CROCC2: variants seen among roughly 807,000 people sequenced by gnomAD.
CROCC2 encodes the protein ciliary rootlet coiled-coil, rootletin family member 2, also known as ciliary rootlet coiled-coil protein 2.
In CROCC2, 163 loss-of-function variants were observed where a neutral mutation model predicts 177.6. The ratio of observed to expected loss-of-function variants is 0.92; its 90% CI spans 0.81 to 1.05. CROCC2 has a LOEUF of 1.05. Ranked by LOEUF, CROCC2 falls within the 50% of genes least tolerant of loss-of-function variation. The probability of loss-of-function intolerance (pLI) is 0.00; values close to 1 mark genes in which losing one functional copy is unlikely to be tolerated. For synonymous variants in CROCC2, 904 were observed against 787.3 expected, an observed-to-expected ratio of 1.15 and a Z score of -2.48; for missense variants, 1,929 against 1,797.8, an observed-to-expected ratio of 1.07 and a Z score of -1.32.
intron 27 of CROCC2, among the ~76,000 whole-genome samples, chr2:240,976,673 A>C (rs1486877165): frequency 2.5e-4 from 28 of 112,862 alleles, no homozygotes; most frequent in African/African-American, 7.0e-4. Context: ...TCAGGAGCCC[A>C]GGCTCATCCC....
At chr2:240,955,813 C>T in intron 18 of CROCC2, 46 bp from the exon 19 acceptor site, 1 of 1,401,242 alleles carries the variant, frequency 7.1e-7, no homozygotes, top group South Asian at 1.2e-5. Context: ...TCTTCCCTCC[C>T]CCGAGACTCC....
At chr2:240,936,968 G>A (rs1027179520) in intron 14 of CROCC2, among the ~76,000 whole-genome samples, 10 of 152,186 alleles carry the variant, frequency 6.6e-5, no homozygotes, top group Admixed American at 1.3e-4. Context: ...TGTACAAGTC[G>A]CATACATATA....
intron 1 of CROCC2, among the ~76,000 whole-genome samples, chr2:240,915,305 G>A (rs1355853663): frequency 1.3e-5 from 2 of 152,224 alleles, no homozygotes; most frequent in Non-Finnish European, 2.9e-5. Context: ...GGATCCACAC[G>A]AGGGTTCTGA....
Position 240,922,661 on chromosome 2 carries a change from G to C in CROCC2, c.488+16G>C, listed in dbSNP as rs2059364561. On this transcript the variant is annotated intron_variant, in intron 4 of 31. Transcript: ENST00000690015. Reference sequence around the variant, plus strand: ...CCGAGGAGAGGTGAGGCCAGGTGCGGGGCAGTCAGGGCTGCAGGAAGCACA... The same window carrying C: ...CCGAGGAGAGGTGAGGCCAGGTGCGCGGCAGTCAGGGCTGCAGGAAGCACA... 1 of 585,246 alleles carries C rather than the reference G, an allele frequency of 1.7e-6. No individual in the cohort carries two copies. The highest frequency in any genetic ancestry group is 3.1e-6 in the Non-Finnish European group (1 of 319,176). The allele number at this position is 585,246 out of a possible 1,614,324, so 36.3% of individuals were successfully genotyped here. A position where few individuals can be genotyped will look rare whatever the true frequency, so the allele number is the denominator to read the frequency against.
chr2:240,982,792 C>T lies in CROCC2; in HGVS notation c.4402-88C>T, dbSNP rs1241131228. The T allele has an allele frequency of 8.3e-7, 1 of 1,201,108 alleles. No homozygotes were observed. The highest frequency in any genetic ancestry group is 1.2e-6 in the Non-Finnish European group (1 of 860,014). The allele number at this position is 1,201,108 out of a possible 1,614,324, so 74.4% of individuals were successfully genotyped here. ...CAGCGATACGGTCCTGCCAGACGGT[C>T]TAGGCAGATGCCCTGAGGCCAGGGT... On this transcript the variant is annotated intron_variant, in intron 27 of 31. Coordinates refer to ENST00000690015, the MANE Select transcript of CROCC2 (RefSeq NM_001351305.2). This position sits in a 1 kb window ranked among gnomAD's most constrained non-coding sequence, Gnocchi z 4.7.
At chr2:240,955,711 G>T (rs2059586088) in intron 18 of CROCC2, 148 bp from the exon 19 acceptor site, 1 of 598,060 alleles carries the variant, frequency 1.7e-6, no homozygotes, top group Non-Finnish European at 3.0e-6. Flanking sequence ...CTCCCCAGTG[G>T]CAGGGATGTG....
Position 240,993,199 on chromosome 2 carries a change from C to T in CROCC2, c.*118C>T. The T allele has an allele frequency of 1.5e-6, 1 of 658,358 alleles. No homozygotes were observed. Among genetic ancestry groups the T allele is most frequent in the Non-Finnish European group, 2.9e-6 (1 of 349,044 alleles). The allele number at this position is 658,358 out of a possible 1,614,324, so 40.8% of individuals were successfully genotyped here. A position where few individuals can be genotyped will look rare whatever the true frequency, so the allele number is the denominator to read the frequency against. ...GTGAAAGGCACCCGTGATGAGACAGCTCGCTCTCGGCAGTTTCAGGACCCT... is the reference window on the plus strand; with the variant it reads ...GTGAAAGGCACCCGTGATGAGACAGTTCGCTCTCGGCAGTTTCAGGACCCT... On this transcript the variant is annotated 3_prime_UTR_variant, in exon 32 of 32. Transcript: ENST00000690015.
At chr2:240,925,551 C>G (rs999434745) in intron 4 of CROCC2, among the ~76,000 whole-genome samples, 173 bp from the exon 5 acceptor site, 1 of 152,124 alleles carries the variant, frequency 6.6e-6, no homozygotes, top group African/African-American at 2.4e-5. Context: ...TTTAGGGGTC[C>G]TTTGTGGGGC....
chr2:240,959,354 G>A lies in CROCC2; in HGVS notation c.2997G>A (p.Glu999=). 6.4e-7 allele frequency: 1 copy of A among 1,550,610 alleles called. No individual in the cohort carries two copies. Among genetic ancestry groups the A allele is most frequent in the South Asian group, 1.2e-5 (1 of 84,054 alleles). Residue 999 remains glutamate (E), a synonymous_variant, in exon 20 of 32, where the codon GAG becomes GAA. Transcript: ENST00000690015. Reference sequence around the variant, plus strand: ...TGAAGGCCCTCCAGGCCCAGTTTGAGGATGCCATCACAGCCCATCAGAGGG... The same window carrying A: ...TGAAGGCCCTCCAGGCCCAGTTTGAAGATGCCATCACAGCCCATCAGAGGG... ...EELKALQAQF[E]DAITAHQRET...
intron 27 of CROCC2, among the ~76,000 whole-genome samples, chr2:240,981,063 G>T (rs1410310760): frequency 8.6e-6 from 1 of 116,390 alleles, no homozygotes; most frequent in African/African-American, 3.9e-5. Context: ...CAGTCTCTGG[G>T]TCAGGAGCCT....
chr2:240,948,543 A>G (rs771795954), intron 15 of CROCC2, among the ~76,000 whole-genome samples: 3 of 152,236 alleles, frequency 2.0e-5, no homozygotes, highest in Non-Finnish European at 2.9e-5. Flanking sequence ...AACAGCAACA[A>G]TGAAACTTGC....
intron 27 of CROCC2, among the ~76,000 whole-genome samples, chr2:240,975,719 CTTT>C (rs55896940): frequency 0.14 from 11,744 of 85,166 alleles, 724 homozygotes; most frequent in African/African-American, 0.16. Flanking sequence ...AACCAGCCTG[CTTT>C]TTTTTTTTTT....
At chr2:240,906,835 G>C (rs1268971968) in intron 1 of CROCC2, among the ~76,000 whole-genome samples, 1 of 152,170 alleles carries the variant, frequency 6.6e-6, no homozygotes, top group Admixed American at 6.5e-5. Context: ...GCCCAGGGCC[G>C]CTGCTGGCTA....
At position 240,918,913 on chromosome 2, in the gene CROCC2, G is replaced by A. The variant is rs1033100358; in HGVS notation, c.229+37G>A. 9.0e-6 allele frequency: 6 copies of A among 669,228 alleles called. No homozygotes were observed. The highest frequency in any genetic ancestry group is 2.0e-5 in the African/African-American group (1 of 50,244). The allele number at this position is 669,228 out of a possible 1,614,324, so 41.5% of individuals were successfully genotyped here. ...GGGGACAGTCCTGGGCCCGGGGCTG[G>A]CCAAGGTGACGGCGTGGGGGACAGT... is the stretch of plus-strand genomic sequence containing the variant. On this transcript the variant is annotated intron_variant, in intron 2 of 31. Coordinates refer to ENST00000690015, the MANE Select transcript of CROCC2 (RefSeq NM_001351305.2). The surrounding 1 kb of genome is among the most constrained non-coding windows in gnomAD (Gnocchi z 6.3).
chr2:240,949,680 T>C lies in CROCC2; in HGVS notation c.2630T>C (p.Leu877Pro). Residue 877 changes from leucine (L) to proline (P), a missense_variant, in exon 17 of 32, where the codon CTG becomes CCG. By Grantham distance (98) the Leu-to-Pro change is moderately conservative. Transcript: ENST00000690015. The surrounding 1 kb of genome is among the most constrained non-coding windows in gnomAD (Gnocchi z 4.5). ...CAGGCGTTGGCCCACCGAGAGGCCC[T>C]GGCACAGCTCCAAAGGGAGAAGGTC... ...ESQALAHREA[L>P]AQLQREKETL... 1 of 1,546,554 alleles carries C rather than the reference T, an allele frequency of 6.5e-7. No homozygotes were observed. Among genetic ancestry groups the C allele is most frequent in the South Asian group, 1.2e-5 (1 of 83,840 alleles).
At chr2:240,910,957 C>G (rs2059283543) in intron 1 of CROCC2, among the ~76,000 whole-genome samples, 1 of 151,922 alleles carries the variant, frequency 6.6e-6, no homozygotes, top group East Asian at 1.9e-4. Context: ...ATGGTGAAAC[C>G]CCGTCTCTAC....
Position 240,935,319 on chromosome 2 carries a change from G to A in CROCC2, c.1939-39G>A, listed in dbSNP as rs766646977. The A allele has an allele frequency of 7.5e-6, 10 of 1,329,354 alleles. No homozygotes were observed. In the East Asian group the frequency reaches 2.1e-4, roughly 28 times the overall value. 82.3% of individuals were successfully genotyped at this position (1,329,354 alleles called of 1,614,324 possible). On this transcript the variant is annotated intron_variant, in intron 13 of 31. Transcript: ENST00000690015. ...TGGCTGGCCTACAGGGACCGAGGAT[G>A]GGGGGAGTGGATGCAGAGCCCCCGA...
chr2:240,982,898 C>A lies in CROCC2; in HGVS notation c.4420C>A (p.Arg1474Ser), dbSNP rs774985974. ...CCCCCAGGAGCAACTGGAAACGCTG[C>A]GCCAGGCTCTTGAAGAGAGCAGGAG... Reference protein sequence around the residue: ...RRLQEQLETLRQALEESRRHS... With the variant: ...RRLQEQLETLSQALEESRRHS... The change falls in exon 28 of 32, where the codon CGC (arginine) becomes AGC (serine). Residue 1474 changes from arginine (R) to serine (S), a missense_variant. Physicochemically the swap from Arg to Ser is moderately radical, Grantham distance 110. This residue lies in a region of CROCC2 where 388 missense variants were observed against 352.7 expected (regional missense o/e 1.10). Coordinates refer to ENST00000690015, the MANE Select transcript of CROCC2 (RefSeq NM_001351305.2). This position sits in a 1 kb window ranked among gnomAD's most constrained non-coding sequence, Gnocchi z 4.7. The A allele has an allele frequency of 1.9e-6, 3 of 1,549,214 alleles. No individual in the cohort carries two copies. The highest frequency in any genetic ancestry group is 1.2e-5 in the South Asian group (1 of 83,882).
In CROCC2 at chr2:240,918,766, A is replaced by G. The variant is rs1271313554; in HGVS notation, c.119A>G (p.Glu40Gly). The G allele has an allele frequency of 1.2e-5, 7 of 581,978 alleles. No homozygotes were observed. In the East Asian group the frequency reaches 1.9e-4, roughly 16 times the overall value. 36.1% of individuals were successfully genotyped at this position (581,978 alleles called of 1,614,324 possible). The change falls in exon 2 of 32, where the codon GAA becomes GGA. Residue 40 changes from glutamate to glycine, a missense_variant. Physicochemically the swap from Glu to Gly is moderately conservative, Grantham distance 98. Transcript: ENST00000690015. The surrounding 1 kb of genome is among the most constrained non-coding windows in gnomAD (Gnocchi z 6.3). ...DTILSPTASR[E>G]DRALTVRGEG... ...ATCCTGAGTCCCACAGCCAGCAGGG[A>G]AGACCGGGCGCTGACCGTGCGTGGG...
Sources: allele counts gnomAD v4.1 joint callset (sites outside exome capture counted in the v4.1 genomes callset), GRCh38; gene constraint gnomAD v4.1.1; regional missense constraint gnomAD v4.1.1; non-coding constraint Gnocchi (gnomAD v3.1); transcripts MANE v1.5; gene names NCBI Gene and HGNC (gene_info 2026-07-23, HGNC 2026-07-21).